The following RNF10 variants were observed in gnomAD, a reference collection of about 807,000 sequenced individuals.
RNF10 encodes the protein ring finger protein 10, also known as E3 ubiquitin-protein ligase RNF10.
A neutral mutation model predicts 91.4 loss-of-function variants in RNF10; 38 were observed. That is an observed-to-expected ratio of 0.42 (90% CI 0.32 to 0.54). The LOEUF is 0.54. RNF10 is among the 20% of genes least tolerant of loss of function. RNF10 has a pLI of 0.16. For synonymous variants in RNF10, 364 were observed against 366.3 expected, an observed-to-expected ratio of 0.99 and a Z score of 0.07; for missense variants, 945 against 1,012.0, an observed-to-expected ratio of 0.93 and a Z score of 0.90.
At position 120,563,373 on chromosome 12, in the gene RNF10, C is replaced by A. The variant is rs745831090; in HGVS notation, c.1281C>A (p.Phe427Leu). ...GTGTGCTGGAGTATCTGTCTGCCTT[C>A]GATGAAGAAACCACGGAAGTTTGTT... ...RKGVLEYLSAFDEETTEVCSL... is the reference protein window; with the variant it reads ...RKGVLEYLSALDEETTEVCSL... The change falls in exon 9 of 17, where the codon TTC becomes TTA. Residue 427 changes from phenylalanine (F) to leucine (L), a missense_variant. By Grantham distance (22) the Phe-to-Leu change is conservative. Transcript: ENST00000325954. The A allele has an allele frequency of 1.9e-6, 3 of 1,612,862 alleles. No homozygotes were observed. The South Asian group carries it at 3.3e-5, about 18-fold the overall frequency.
At position 120,552,636 on chromosome 12, in the gene RNF10, C is replaced by T. The variant is rs758149147; in HGVS notation, c.492C>T (p.Ser164=). 4 of 1,613,992 alleles carry T rather than the reference C, an allele frequency of 2.5e-6. No individual in the cohort carries two copies. In the East Asian group the frequency reaches 8.9e-5, roughly 36 times the overall value. ...TGHFEGSGHG[S]WGKRNKWGHK... is the part of the protein sequence containing the mutation. ...ACTTTGAAGGCAGTGGACATGGTAG[C>T]TGGGGAAAGAGGAACAAGTGGGGAC... The change falls in exon 3 of 17, where the codon AGC becomes AGT. Residue 164 remains serine, a synonymous_variant. Coordinates refer to ENST00000325954, the MANE Select transcript of RNF10 (RefSeq NM_014868.5).
At chr12:120,565,257 TG>T (rs895801658) in intron 11 of RNF10, 68 bp downstream of exon 11, 8 of 1,233,030 alleles carry the variant, frequency 6.5e-6, no homozygotes, top group Non-Finnish European at 9.6e-6. Context: ...AGACACCCAG[TG>T]GGGGAGGAAA....
At chr12:120,547,188 A>G (rs1043301069) in intron 2 of RNF10, among the ~76,000 whole-genome samples, 1 of 152,300 alleles carries the variant, frequency 6.6e-6, no homozygotes, top group South Asian at 2.1e-4. Context: ...AAGTAAAGGG[A>G]TAGAGAGTAA....
intron 6 of RNF10, among the ~76,000 whole-genome samples, chr12:120,559,685 G>A (rs1402736612): frequency 6.7e-6 from 1 of 150,296 alleles, no homozygotes; most frequent in East Asian, 2.0e-4. Flanking sequence ...ACTCCGCCTG[G>A]TGTTATTTTT....
intron 1 of RNF10, among the ~76,000 whole-genome samples, chr12:120,545,660 C>T (rs1279727964): frequency 6.6e-6 from 1 of 152,106 alleles, no homozygotes; most frequent in East Asian, 1.9e-4. Flanking sequence ...GCCTCAGCCT[C>T]CCAAGTATCT....
chr12:120,559,065 ATTTT>A (rs973404407), intron 6 of RNF10, among the ~76,000 whole-genome samples: 1 of 51,210 alleles, frequency 2.0e-5, no homozygotes. Context: ...ATTTTAAATT[ATTTT>A]TTTTATTTTA....
intron 2 of RNF10, among the ~76,000 whole-genome samples, chr12:120,547,774 G>A (rs1872535705): frequency 6.6e-6 from 1 of 152,194 alleles, no homozygotes; most frequent in Non-Finnish European, 1.5e-5. Context: ...GGGCTTTGAA[G>A]GACTTTGGCT....
At position 120,552,630 on chromosome 12, in the gene RNF10, T is replaced by C. The variant is rs750348941; in HGVS notation, c.486T>C (p.His162=). 4 of 1,614,018 alleles carry C rather than the reference T, an allele frequency of 2.5e-6. No homozygotes were observed. The highest frequency in any genetic ancestry group is 3.4e-6 in the Non-Finnish European group (4 of 1,180,016). The part of the protein sequence containing the change: ...GQTGHFEGSG[H]GSWGKRNKWG... ...CGGGTCACTTTGAAGGCAGTGGACA[T>C]GGTAGCTGGGGAAAGAGGAACAAGT... The change falls in exon 3 of 17, where the codon CAT becomes CAC. Residue 162 remains histidine, a synonymous_variant. Coordinates refer to ENST00000325954, the MANE Select transcript of RNF10 (RefSeq NM_014868.5).
chr12:120,563,146 TCTA>T, intron 8 of RNF10, 76 bp downstream of exon 8: 1 of 1,592,310 alleles, frequency 6.3e-7, no homozygotes, highest in Non-Finnish European at 8.6e-7. Context: ...TACTGTGAGA[TCTA>T]AACCTTCTCA....
At chr12:120,573,266 T>C (rs1876930096) in intron 14 of RNF10, among the ~76,000 whole-genome samples, 1 of 152,210 alleles carries the variant, frequency 6.6e-6, no homozygotes, top group Non-Finnish European at 1.5e-5. Context: ...CATTTTCAAC[T>C]CAGGGCAGAA....
At chr12:120,539,295 C>A in intron 1 of RNF10, 2 of 725,638 alleles carry the variant, frequency 2.8e-6, no homozygotes, top group Non-Finnish European at 4.2e-6. Flanking sequence ...TTTGTATAAT[C>A]ACACTTAGCA....
intron 16 of RNF10, 72 bp from the exon 17 acceptor site, chr12:120,576,518 C>G: frequency 1.3e-6 from 2 of 1,556,454 alleles, no homozygotes; most frequent in Non-Finnish European, 1.7e-6. Context: ...CTGTGACTCT[C>G]AGTAATGAAA....
At chr12:120,562,267 C>CTTTTTTTTT (rs1174061958) in intron 7 of RNF10, among the ~76,000 whole-genome samples, 12 of 102,180 alleles carry the variant, frequency 1.2e-4, no homozygotes, top group Admixed American at 3.9e-4. Context: ...CTTTTTCTTT[C>CTTTTTTTTT]TTTCTTTTTT....
At chr12:120,545,033 A>G (rs1352521580) in intron 1 of RNF10, among the ~76,000 whole-genome samples, 1 of 152,352 alleles carries the variant, frequency 6.6e-6, no homozygotes, top group African/African-American at 2.4e-5. Context: ...CATTTTATAT[A>G]AGATTTGTGA....
rs1264165267 is a variant in RNF10, at chr12:120,548,089, C to A, written c.354+1488C>A. On this transcript the variant is annotated intron_variant, in intron 2 of 16. Coordinates refer to ENST00000325954, the MANE Select transcript of RNF10 (RefSeq NM_014868.5). ...AGGTACCTTTTGCTGGAATGGAGAA[C>A]ATTCTTTCAAGAAGAGCACAAAGTT... is the stretch of plus-strand genomic sequence containing the variant. Among the ~76,000 whole-genome samples the A allele has an allele frequency of 2.6e-5, 4 of 152,216 alleles. No homozygotes were observed. The East Asian group carries it at 7.7e-4, about 29-fold the overall frequency.
At chr12:120,557,487 C>CAAT in intron 5 of RNF10, 21 bp downstream of exon 5, 4 of 1,613,476 alleles carry the variant, frequency 2.5e-6, no homozygotes, top group Non-Finnish European at 3.4e-6. Context: ...GACATTTACT[C>CAAT]AGTTAGATCC....
intron 6 of RNF10, among the ~76,000 whole-genome samples, chr12:120,560,145 GT>G (rs371176763): frequency 0.17 from 20,512 of 119,896 alleles, 1,732 homozygotes; most frequent in African/African-American, 0.29. Context: ...TCTGTGTGTG[GT>G]TTTTTTTGTT....
chr12:120,567,858 T>TGG (rs199817281), intron 13 of RNF10, among the ~76,000 whole-genome samples: 7,469 of 131,768 alleles, frequency 0.057, 493 homozygotes, highest in African/African-American at 0.15. Flanking sequence ...CATTTCATTA[T>TGG]GGGTGTGTGT....
Position 120,566,874 on chromosome 12 carries a change from C to T in RNF10, c.1935C>T (p.Phe645=). 1.2e-6 allele frequency: 2 copies of T among 1,614,022 alleles called. No individual in the cohort carries two copies. Among genetic ancestry groups the T allele is most frequent in the Non-Finnish European group, 1.7e-6 (2 of 1,179,906 alleles). ...PLENLQQFPA[F]NSYTCSSDSA... Reference sequence around the variant, plus strand: ...AGAATCTACAGCAGTTTCCTGCCTTCAATTCTTATACCTGCTCCTCTGATT... The same window carrying T: ...AGAATCTACAGCAGTTTCCTGCCTTTAATTCTTATACCTGCTCCTCTGATT... The change falls in exon 13 of 17, where the codon TTC becomes TTT. Residue 645 remains phenylalanine, a synonymous_variant. Transcript: ENST00000325954.
Sources: allele counts gnomAD v4.1 joint callset (sites outside exome capture counted in the v4.1 genomes callset), GRCh38; gene constraint gnomAD v4.1.1; transcripts MANE v1.5; gene names NCBI Gene and HGNC (gene_info 2026-07-23, HGNC 2026-07-21).